The following TDRD5 variants were observed in gnomAD, a reference collection of about 807,000 sequenced individuals.
TDRD5 encodes the protein tudor domain-containing protein 5.
In TDRD5, 41 loss-of-function variants were observed where a neutral mutation model predicts 120.6. The observed-to-expected ratio is 0.34, with a 90% CI of 0.26 to 0.44. TDRD5 has a LOEUF of 0.44. Among genes scored for constraint, TDRD5 ranks in the 20% least tolerant of loss-of-function variants. The pLI is 1.00. For missense variants in TDRD5, 1,006 were observed against 1,221.2 expected, an observed-to-expected ratio of 0.82 and a Z score of 2.63; for synonymous variants, 430 against 433.7, an observed-to-expected ratio of 0.99 and a Z score of 0.11.
intron 11 of TDRD5, 66 bp from the exon 12 acceptor site, chr1:179,650,801 G>C (rs1678669264): frequency 6.6e-7 from 1 of 1,508,534 alleles, no homozygotes; most frequent in South Asian, 1.1e-5. Context: ...ATTCATTGTT[G>C]TATATGGTTA....
chr1:179,657,911 A>G (rs1399599474), intron 14 of TDRD5, among the ~76,000 whole-genome samples: 1 of 152,144 alleles, frequency 6.6e-6, no homozygotes, highest in African/African-American at 2.4e-5. Flanking sequence ...ATATGTCACT[A>G]TTAACTGTAG....
At chr1:179,667,352 A>T (rs1017795035) in intron 16 of TDRD5, among the ~76,000 whole-genome samples, 1 of 152,236 alleles carries the variant, frequency 6.6e-6, no homozygotes, top group East Asian at 1.9e-4. Flanking sequence ...GAAAGAAGAT[A>T]TAGCTTTTTA....
chr1:179,641,518 C>T (rs1415859224), intron 11 of TDRD5, among the ~76,000 whole-genome samples: 1 of 149,428 alleles, frequency 6.7e-6, no homozygotes, highest in African/African-American at 2.5e-5. Context: ...CAACAAAGAG[C>T]GAAACTCCGT....
At chr1:179,658,308 G>T (rs1486498189) in intron 14 of TDRD5, among the ~76,000 whole-genome samples, 1 of 152,104 alleles carries the variant, frequency 6.6e-6, no homozygotes, top group Non-Finnish European at 1.5e-5. Flanking sequence ...TCTGGAAAAG[G>T]TTACATAAAA....
chr1:179,646,574 A>G (rs1370625129), intron 11 of TDRD5, among the ~76,000 whole-genome samples: 1 of 146,350 alleles, frequency 6.8e-6, no homozygotes, highest in East Asian at 2.0e-4. Flanking sequence ...CACCACTCCT[A>G]TTCAACATAG....
chr1:179,612,565 T>A (rs1022442061), intron 4 of TDRD5, among the ~76,000 whole-genome samples: 3 of 152,168 alleles, frequency 2.0e-5, no homozygotes, highest in African/African-American at 7.2e-5. Flanking sequence ...AATAGGTATT[T>A]ACCTTTAAGA....
In TDRD5 at chr1:179,690,944, G is replaced by A. The variant is rs776200468; in HGVS notation, c.*1G>A. The A allele has an allele frequency of 5.0e-6, 8 of 1,598,856 alleles. No individual in the cohort carries two copies. The East Asian group carries it at 1.6e-4, about 31-fold the overall frequency. On this transcript the variant is annotated 3_prime_UTR_variant, in exon 18 of 18. Transcript: ENST00000444136. ...CAGTGTGAAAAGGATGGAAGCATGA[G>A]GGAGGGAGGGAGGAGGGAGAAAAAC...
chr1:179,650,896 G>C lies in TDRD5; in HGVS notation c.1830G>C (p.Gln610His), dbSNP rs1678674737. Reference protein sequence around the residue: ...EEHWTSKAILQFQKLCGLKPL... With the variant: ...EEHWTSKAILHFQKLCGLKPL... ...ACTGGACATCGAAAGCTATTTTGCA[G>C]TTCCAGAAGTTGTGCGGTTTGAAGC... The change falls in exon 12 of 18, where the codon CAG (glutamine) becomes CAC (histidine). Residue 610 changes from glutamine to histidine, a missense_variant. Coordinates refer to ENST00000444136, the MANE Select transcript of TDRD5 (RefSeq NM_001199085.3). 6.2e-7 allele frequency: 1 copy of C among 1,614,026 alleles called. No homozygotes were observed. Among genetic ancestry groups the C allele is most frequent in the Non-Finnish European group, 8.5e-7 (1 of 1,180,034 alleles).
intron 17 of TDRD5, among the ~76,000 whole-genome samples, chr1:179,671,031 G>T (rs1572426526): frequency 6.6e-6 from 1 of 152,126 alleles, no homozygotes; most frequent in South Asian, 2.1e-4. Flanking sequence ...TTTGTATAGG[G>T]TATGATGTGA....
intron 17 of TDRD5, among the ~76,000 whole-genome samples, chr1:179,690,368 T>C (rs778697648): frequency 2.6e-5 from 4 of 152,240 alleles, no homozygotes; most frequent in Non-Finnish European, 5.9e-5. Flanking sequence ...GAAGCACTTA[T>C]GGGCTCTTTG....
At chr1:179,659,424 T>C (rs1018558973) in intron 14 of TDRD5, among the ~76,000 whole-genome samples, 1 of 152,188 alleles carries the variant, frequency 6.6e-6, no homozygotes, top group African/African-American at 2.4e-5. Flanking sequence ...GTGTTATCCA[T>C]TTAGGATTCT....
intron 4 of TDRD5, among the ~76,000 whole-genome samples, chr1:179,612,860 C>T (rs1289405363): frequency 4.7e-5 from 7 of 149,018 alleles, no homozygotes; most frequent in African/African-American, 1.7e-4. Context: ...CTCTTGAACC[C>T]AGGAGGCAGA....
intron 4 of TDRD5, among the ~76,000 whole-genome samples, chr1:179,618,333 T>C (rs754390385): frequency 5.9e-5 from 9 of 152,196 alleles, no homozygotes; most frequent in Non-Finnish European, 1.0e-4. Context: ...AGTATGGGAT[T>C]GAGTAATAGA....
In TDRD5 at chr1:179,634,700, A is replaced by T. The variant is rs899199688; in HGVS notation, c.1299+71A>T. 30 of 1,477,168 alleles carry T rather than the reference A, an allele frequency of 2.0e-5. No homozygotes were observed. In the Middle Eastern group the frequency reaches 9.0e-4, roughly 45 times the overall value. The allele number at this position is 1,477,168 out of a possible 1,614,324, so 91.5% of individuals were successfully genotyped here. A position where few individuals can be genotyped will look rare whatever the true frequency, so the allele number is the denominator to read the frequency against. On this transcript the variant is annotated intron_variant, in intron 8 of 17. Transcript: ENST00000444136. ...AAAGTAAATGAATGTGTGTTTCTTTAAACCAAAATTCTTTTTAGAAAAGTC... is the reference window on the plus strand; with the variant it reads ...AAAGTAAATGAATGTGTGTTTCTTTTAACCAAAATTCTTTTTAGAAAAGTC...
Position 179,681,725 on chromosome 1 carries a change from CA to C in TDRD5, c.2861-8962del, listed in dbSNP as rs971487576. ...CTGTGTTGGATTTGGTCCACAGGAC[CA>C]AAAAAAAATTAATTTTTTTTCTGTC... On this transcript the variant is annotated intron_variant, in intron 17 of 17. Transcript: ENST00000444136. 1.3e-4 allele frequency among the ~76,000 whole-genome samples: 19 copies of C among 148,586 alleles called. 1 individual carries two copies. Among genetic ancestry groups the C allele is most frequent in the South Asian group, 2.1e-4 (1 of 4,668 alleles).
chr1:179,614,123 C>A (rs917960938), intron 4 of TDRD5, among the ~76,000 whole-genome samples: 2 of 152,034 alleles, frequency 1.3e-5, no homozygotes, highest in African/African-American at 4.8e-5. Context: ...TTACAGAAAA[C>A]TTGAAATACA....
chr1:179,677,281 G>A (rs955352153), intron 17 of TDRD5, among the ~76,000 whole-genome samples: 1 of 151,894 alleles, frequency 6.6e-6, no homozygotes, highest in African/African-American at 2.4e-5. Context: ...ATTTCTTTAA[G>A]CTGGACTTCA....
intron 4 of TDRD5, among the ~76,000 whole-genome samples, chr1:179,602,386 C>T (rs1675762384): frequency 6.6e-6 from 1 of 152,074 alleles, no homozygotes; most frequent in South Asian, 2.1e-4. Context: ...GTCCTTAGCC[C>T]ACTTCTTGAT....
intron 3 of TDRD5, 128 bp from the exon 4 acceptor site, chr1:179,595,500 T>G (rs573108048): frequency 2.7e-6 from 2 of 737,422 alleles, no homozygotes; most frequent in East Asian, 2.9e-5. Flanking sequence ...ATGTCAGCTT[T>G]CTTTTCTTAA....
Sources: allele counts gnomAD v4.1 joint callset (sites outside exome capture counted in the v4.1 genomes callset), GRCh38; gene constraint gnomAD v4.1.1; transcripts MANE v1.5; gene names NCBI Gene and HGNC (gene_info 2026-07-23, HGNC 2026-07-21).